The following SLC14A2 variants were observed in gnomAD, a reference collection of about 807,000 sequenced individuals.
The protein encoded by SLC14A2 is solute carrier family 14 member 2.
SLC14A2 carries 91 observed loss-of-function variants against 104.6 expected under a neutral mutation model. The ratio of observed to expected loss-of-function variants is 0.87; its 90% confidence interval spans 0.73 to 1.04. SLC14A2 has a LOEUF of 1.04. SLC14A2 is among the 50% of genes least tolerant of loss of function. The pLI, the probability that SLC14A2 is intolerant of heterozygous loss-of-function variation, is 0.00. For missense variants in SLC14A2, 1,189 were observed against 1,156.0 expected (o/e 1.03, Z -0.41); for synonymous variants, 476 against 466.4 (o/e 1.02, Z -0.27).
At chr18:45,445,421 T>C (rs1387282883) in intron 1 of SLC14A2, among the ~76,000 whole-genome samples, 1 of 152,222 alleles carries the variant, frequency 6.6e-6, no homozygotes, top group Non-Finnish European at 1.5e-5. Context: ...GACACCATTT[T>C]TGATAGGACG....
the SLC14A2 span, among the ~76,000 whole-genome samples, chr18:45,194,683 T>C: frequency 2.0e-3 from 282 of 144,228 alleles, 1 homozygote; most frequent in Middle Eastern, 3.8e-3. Context: ...TCTCACACTG[T>C]TGCCCAGGCT....
intron 1 of SLC14A2, among the ~76,000 whole-genome samples, chr18:45,422,193 G>T (rs1471176898): frequency 6.6e-6 from 1 of 152,116 alleles, no homozygotes; most frequent in African/African-American, 2.4e-5. Context: ...TGTCAATCTG[G>T]CAAGAGGACA....
At chr18:45,355,784 C>T (rs185099914) in intron 1 of SLC14A2, among the ~76,000 whole-genome samples, 1 of 152,184 alleles carries the variant, frequency 6.6e-6, no homozygotes, top group Non-Finnish European at 1.5e-5. Flanking sequence ...CATCTCAGAA[C>T]ACTGGGTGGG....
At chr18:45,651,399 G>A (rs917533017) in intron 10 of SLC14A2, among the ~76,000 whole-genome samples, 7 of 152,178 alleles carry the variant, frequency 4.6e-5, no homozygotes, top group Admixed American at 3.9e-4. Context: ...AAGAGCTGCA[G>A]CCGTGTGTGT....
At chr18:45,594,948 C>G (rs567834192) in intron 2 of SLC14A2, among the ~76,000 whole-genome samples, 2 of 152,266 alleles carry the variant, frequency 1.3e-5, no homozygotes, top group African/African-American at 4.8e-5. Flanking sequence ...ACCCCCAACC[C>G]CTGTGAGACT....
chr18:45,415,676 C>G (rs1019248336), intron 1 of SLC14A2, among the ~76,000 whole-genome samples: 4 of 152,084 alleles, frequency 2.6e-5, no homozygotes, highest in South Asian at 2.1e-4. Context: ...AGCTTATACC[C>G]GAAATGAGAA....
chr18:45,230,408 G>C (rs966661535), intron 1 of SLC14A2, among the ~76,000 whole-genome samples: 2 of 152,092 alleles, frequency 1.3e-5, no homozygotes, highest in Non-Finnish European at 2.9e-5. Flanking sequence ...TGCATTTCTC[G>C]GCCTGTGGGC....
chr18:45,245,065 G>T (rs573850496), intron 1 of SLC14A2, among the ~76,000 whole-genome samples: 110 of 152,306 alleles, frequency 7.2e-4, no homozygotes, highest in Non-Finnish European at 1.3e-3. Context: ...ATCACACAAT[G>T]AAATGAAGGG....
chr18:45,444,116 C>T lies in SLC14A2; in HGVS notation c.-124-39117C>T, dbSNP rs866290293. On this transcript the variant is annotated intron_variant, in intron 1 of 20. Coordinates refer to the SLC14A2 transcript ENST00000586448. ...AGAAAGTTTGGATCCTCTGTGGAAC[C>T]ATCAGCAATGTATCTGAAGGCAGAC... Among the ~76,000 whole-genome samples the T allele has an allele frequency of 3.3e-5, 5 of 152,180 alleles. 1 individual carries two copies. In the South Asian group the frequency reaches 8.3e-4, roughly 25 times the overall value.
chr18:45,201,121 G>A, the SLC14A2 span, among the ~76,000 whole-genome samples: 1 of 151,768 alleles, frequency 6.6e-6, no homozygotes, highest in Non-Finnish European at 1.5e-5. Flanking sequence ...GTGGTGTTAT[G>A]GTTTTTTAAA....
chr18:45,444,412 AAAG>A (rs1479554959), intron 1 of SLC14A2, among the ~76,000 whole-genome samples: 2 of 152,230 alleles, frequency 1.3e-5, no homozygotes, highest in African/African-American at 2.4e-5. Flanking sequence ...AGTCAGTAAG[AAAG>A]AAATTCTGCT....
At chr18:45,576,772 C>A (rs796437227) in intron 2 of SLC14A2, among the ~76,000 whole-genome samples, 2 of 152,246 alleles carry the variant, frequency 1.3e-5, no homozygotes, top group African/African-American at 4.8e-5. Flanking sequence ...GATCAAGAGA[C>A]AACTGCCATT....
rs547120901 is a variant in SLC14A2 at position 45,239,927 on chromosome 18, A to G, written c.-125+26736A>G. ...ACCATCATGTCCTCCAGGCACATCAATGTCACAAATGACAGAATTTGATTC... is the reference window on the plus strand; with the variant it reads ...ACCATCATGTCCTCCAGGCACATCAGTGTCACAAATGACAGAATTTGATTC... On this transcript the variant is annotated intron_variant, in intron 1 of 20. Transcript: ENST00000586448. Among the ~76,000 whole-genome samples the G allele has an allele frequency of 1.5e-3, 227 of 152,262 alleles. 2 individuals carry two copies. Among genetic ancestry groups the G allele is most frequent in the Non-Finnish European group, 2.4e-3 (165 of 68,026 alleles).
At chr18:45,552,215 T>C (rs2044065548) in intron 2 of SLC14A2, among the ~76,000 whole-genome samples, 1 of 152,148 alleles carries the variant, frequency 6.6e-6, no homozygotes, top group Non-Finnish European at 1.5e-5. Context: ...CCATGCAGCT[T>C]GCATTAGGGC....
chr18:45,397,499 T>A (rs1049124819), intron 1 of SLC14A2, among the ~76,000 whole-genome samples: 1 of 152,222 alleles, frequency 6.6e-6, no homozygotes, highest in African/African-American at 2.4e-5. Context: ...TTTGCCCACT[T>A]TTTAATGAGG....
At chr18:45,240,116 T>TG (rs2084297376) in intron 1 of SLC14A2, among the ~76,000 whole-genome samples, 3 of 123,810 alleles carry the variant, frequency 2.4e-5, no homozygotes, top group Admixed American at 8.4e-5. Flanking sequence ...TTTTTTTTTT[T>TG]GACCGAGTCT....
chr18:45,549,833 A>G (rs1395911232), intron 2 of SLC14A2, among the ~76,000 whole-genome samples: 1 of 152,242 alleles, frequency 6.6e-6, no homozygotes, highest in African/African-American at 2.4e-5. Flanking sequence ...CCAGTACAGT[A>G]GATGGCTCTA....
intron 1 of SLC14A2, among the ~76,000 whole-genome samples, chr18:45,264,678 T>A (rs2084573916): frequency 6.6e-6 from 1 of 151,944 alleles, no homozygotes; most frequent in Non-Finnish European, 1.5e-5. Flanking sequence ...CCTTATAAAA[T>A]CAACAGATCT....
intron 2 of SLC14A2, among the ~76,000 whole-genome samples, chr18:45,603,401 T>C (rs2044819762): frequency 6.6e-6 from 1 of 152,084 alleles, no homozygotes; most frequent in South Asian, 2.1e-4. Flanking sequence ...AACAAGCAGA[T>C]GACAGAGTCA....
Sources: allele counts gnomAD v4.1 joint callset (sites outside exome capture counted in the v4.1 genomes callset), GRCh38; gene constraint gnomAD v4.1.1; transcripts MANE v1.5; gene names NCBI Gene and HGNC (gene_info 2026-07-23, HGNC 2026-07-21).